Variants in NOX3 observed in about 807,000 individuals in gnomAD.
NOX3 encodes the protein NADPH oxidase 3, also known as NADPH oxidase catalytic subunit-like 3.
A neutral mutation model predicts 76.7 loss-of-function variants in NOX3; 74 were observed. The observed-to-expected ratio is 0.96, with a 90% CI of 0.80 to 1.17. The LOEUF is 1.17. Among genes scored for constraint, NOX3 ranks in the 50% most tolerant of loss-of-function variants. The pLI is 0.00. For missense variants in NOX3, 695 were observed against 703.3 expected, an observed-to-expected ratio of 0.99 and a Z score of 0.13; for synonymous variants, 263 against 261.1, an observed-to-expected ratio of 1.01 and a Z score of -0.07.
intron 12 of NOX3, among the ~76,000 whole-genome samples, chr6:155,398,882 C>A (rs556167462): frequency 6.6e-6 from 1 of 152,362 alleles, no homozygotes; most frequent in Admixed American, 6.5e-5. Flanking sequence ...CATTGCAGGT[C>A]TGGCCGCTGG....
intron 7 of NOX3, among the ~76,000 whole-genome samples, chr6:155,435,237 A>G (rs1776885870): frequency 6.6e-6 from 1 of 152,152 alleles, no homozygotes; most frequent in African/African-American, 2.4e-5. Flanking sequence ...ATGCCGGCAA[A>G]CGCTGCTGGG....
chr6:155,396,293 G>A (rs1779137240), intron 13 of NOX3, among the ~76,000 whole-genome samples: 1 of 152,196 alleles, frequency 6.6e-6, no homozygotes, highest in Non-Finnish European at 1.5e-5. Context: ...CACAAAAGGA[G>A]CTTAAGTTTA....
chr6:155,402,217 G>T (rs1038007256), intron 12 of NOX3, among the ~76,000 whole-genome samples: 11 of 152,106 alleles, frequency 7.2e-5, no homozygotes, highest in African/African-American at 2.7e-4. Flanking sequence ...GACATAGATG[G>T]CAATGAATGT....
intron 7 of NOX3, among the ~76,000 whole-genome samples, 191 bp from the exon 8 acceptor site, chr6:155,431,126 C>T (rs562289959): frequency 1.3e-5 from 2 of 152,236 alleles, no homozygotes; most frequent in Admixed American, 1.3e-4. Context: ...TTGAAGTCTA[C>T]AAGCTTATTT....
At chr6:155,422,521 T>C (rs1776702631) in intron 10 of NOX3, among the ~76,000 whole-genome samples, 173 bp downstream of exon 10, 1 of 152,268 alleles carries the variant, frequency 6.6e-6, no homozygotes, top group South Asian at 2.1e-4. Flanking sequence ...GACATAACCC[T>C]ACTCATAAAT....
intron 4 of NOX3, among the ~76,000 whole-genome samples, chr6:155,449,521 C>A (rs766618046): frequency 6.6e-6 from 1 of 152,096 alleles, no homozygotes; most frequent in South Asian, 2.1e-4. Context: ...AAGAATGCTC[C>A]GGCAGCTCTT....
Position 155,442,178 on chromosome 6 carries a change from A to G in NOX3, c.486+1095T>C, listed in dbSNP as rs557781565. Among the ~76,000 whole-genome samples the G allele has an allele frequency of 4.3e-4, 66 of 152,190 alleles. 1 individual carries two copies. Among genetic ancestry groups the G allele is most frequent in the Middle Eastern group, 3.4e-3 (1 of 294 alleles). ...ACTCAGGAGGCTGAGGCAGGAGAAT[A>G]GCGTGAATCCGGGAGGCGGAGCTTG... On this transcript the variant is annotated intron_variant, in intron 5 of 13. Transcript: ENST00000159060.
chr6:155,403,915 AAAAT>A lies in NOX3; in HGVS notation c.1580+3211_1580+3214del, dbSNP rs561681617. Among the ~76,000 whole-genome samples, 195 of 151,978 alleles carry A rather than the reference AAAAT, an allele frequency of 1.3e-3. 1 individual carries two copies. Among genetic ancestry groups the A allele is most frequent in the East Asian group, 4.5e-3 (23 of 5,168 alleles). On this transcript the variant is annotated intron_variant, in intron 12 of 13. Transcript: ENST00000159060. Reference sequence around the variant, plus strand: ...CACTGGGCTGCAAGCTTTGTGTGTAAAAATAAATAAATAAATAAATAAATAATAA... The same window carrying A: ...CACTGGGCTGCAAGCTTTGTGTGTAAAAATAAATAAATAAATAAATAATAA...
intron 7 of NOX3, among the ~76,000 whole-genome samples, chr6:155,432,673 G>GGCTCTTGGCCTCATAAAAGCTAGACC (rs1776850185): frequency 6.6e-6 from 1 of 151,974 alleles, no homozygotes; most frequent in Non-Finnish European, 1.5e-5. Context: ...TTCCTGGGGG[G>GGCTCTTGGCCTCATAAAAGCTAGACC]GCTCTTGGCC....
chr6:155,413,483 C>T (rs1404062180), intron 10 of NOX3, among the ~76,000 whole-genome samples: 1 of 151,568 alleles, frequency 6.6e-6, no homozygotes, highest in Non-Finnish European at 1.5e-5. Context: ...ATCTCTCTGG[C>T]TGCTGTATTG....
At chr6:155,435,437 C>A (rs1776888851) in intron 7 of NOX3, among the ~76,000 whole-genome samples, 1 of 152,064 alleles carries the variant, frequency 6.6e-6, no homozygotes, top group African/African-American at 2.4e-5. Flanking sequence ...GTCTAATGGG[C>A]ATATCTATTC....
intron 11 of NOX3, among the ~76,000 whole-genome samples, chr6:155,409,392 AG>A (rs1259505613): frequency 2.0e-5 from 3 of 152,154 alleles, no homozygotes; most frequent in African/African-American, 4.8e-5. Flanking sequence ...CAGGCTGGGA[AG>A]GGTCTTAAGG....
At chr6:155,399,514 A>G (rs1779191771) in intron 12 of NOX3, among the ~76,000 whole-genome samples, 1 of 152,128 alleles carries the variant, frequency 6.6e-6, no homozygotes, top group Admixed American at 6.5e-5. Flanking sequence ...CACAAAGGCC[A>G]TTTATTATCT....
intron 12 of NOX3, among the ~76,000 whole-genome samples, chr6:155,405,934 A>G (rs977153092): frequency 2.0e-5 from 3 of 152,156 alleles, no homozygotes; most frequent in African/African-American, 7.2e-5. Context: ...AAGTTTTACA[A>G]TGACTCGCAG....
Position 155,454,827 on chromosome 6 carries a change from A to G in NOX3, c.239T>C (p.Ile80Thr). 6.3e-7 allele frequency: 1 copy of G among 1,584,416 alleles called. No homozygotes were observed. Among genetic ancestry groups the G allele is most frequent in the South Asian group, 1.1e-5 (1 of 87,144 alleles). ...AGTACTTACAATACTTGTTCCTCTTATGAATGAAATAAGGTTTCGACTGAC... is the reference window on the plus strand; with the variant it reads ...AGTACTTACAATACTTGTTCCTCTTGTGAATGAAATAAGGTTTCGACTGAC... ...IPVSRNLISF[I>T]RGTSICCRGP... Residue 80 changes from isoleucine to threonine, a missense_variant, in exon 3 of 14, where the codon ATA becomes ACA. By Grantham distance (89) the Ile-to-Thr change is moderately conservative. Coordinates refer to ENST00000159060, the MANE Select transcript of NOX3 (RefSeq NM_015718.3).
chr6:155,400,221 T>C (rs1334920070), intron 12 of NOX3, among the ~76,000 whole-genome samples: 1 of 152,206 alleles, frequency 6.6e-6, no homozygotes, highest in Admixed American at 6.5e-5. Flanking sequence ...AGCAGATATA[T>C]GGGCGTGTGG....
chr6:155,406,995 T>G (rs1291356216), intron 12 of NOX3, 135 bp downstream of exon 12: 1 of 930,052 alleles, frequency 1.1e-6, no homozygotes, highest in Non-Finnish European at 1.6e-6. Flanking sequence ...AATATACCAT[T>G]GATCACCTTT....
chr6:155,423,387 A>G (rs1776716061), intron 9 of NOX3, among the ~76,000 whole-genome samples: 1 of 152,192 alleles, frequency 6.6e-6, no homozygotes, highest in Non-Finnish European at 1.5e-5. Context: ...ATAATTTTGA[A>G]GTCATTTGTC....
At chr6:155,406,844 T>G (rs1776468084) in intron 12 of NOX3, among the ~76,000 whole-genome samples, 1 of 152,216 alleles carries the variant, frequency 6.6e-6, no homozygotes, top group Non-Finnish European at 1.5e-5. Context: ...AGAGATCAAC[T>G]GTACCCACCA....
Sources: allele counts gnomAD v4.1 joint callset (sites outside exome capture counted in the v4.1 genomes callset), GRCh38; gene constraint gnomAD v4.1.1; transcripts MANE v1.5; gene names NCBI Gene and HGNC (gene_info 2026-07-23, HGNC 2026-07-21).